Variants in CPD observed in about 807,000 individuals in gnomAD.
CPD encodes carboxypeptidase D.
A neutral mutation model predicts 138.3 loss-of-function variants in CPD; 69 were observed. The observed-to-expected ratio is 0.50, with a 90% CI of 0.41 to 0.61. CPD has a LOEUF of 0.61. CPD is among the 20% of genes least tolerant of loss of function. CPD has a pLI of 0.00. For synonymous variants in CPD, 651 were observed against 642.1 expected (o/e 1.01, Z -0.21); for missense variants, 1,432 against 1,733.3 (o/e 0.83, Z 3.09).
At chr17:30,413,779 A>G (rs1912028834) in intron 2 of CPD, among the ~76,000 whole-genome samples, 1 of 152,250 alleles carries the variant, frequency 6.6e-6, no homozygotes, top group Non-Finnish European at 1.5e-5. Flanking sequence ...AAAGGGTAAG[A>G]GGAACTGGGA....
At chr17:30,389,212 C>G (rs1345780232) in intron 2 of CPD, among the ~76,000 whole-genome samples, 1 of 152,168 alleles carries the variant, frequency 6.6e-6, no homozygotes, top group Non-Finnish European at 1.5e-5. Flanking sequence ...CGCCTCCTTC[C>G]CGCACCTTCC....
chr17:30,401,056 G>C (rs756500780), intron 2 of CPD, among the ~76,000 whole-genome samples: 3 of 152,006 alleles, frequency 2.0e-5, no homozygotes, highest in Non-Finnish European at 2.9e-5. Context: ...TTTGCTGTTT[G>C]TTTTTTAGAG....
At chr17:30,423,808 C>A (rs1253306463) in intron 6 of CPD, 111 bp downstream of exon 6, 1 of 844,574 alleles carries the variant, frequency 1.2e-6, no homozygotes, top group Non-Finnish European at 1.7e-6. Context: ...ATTTTTTTTC[C>A]TTTTAATTTA....
At position 30,421,785 on chromosome 17, in the gene CPD, A is replaced by G; in HGVS notation, c.1259A>G (p.Tyr420Cys). Residue 420 changes from tyrosine to cysteine, a missense_variant, in exon 4 of 21, where the codon TAC (tyrosine) becomes TGC (cysteine). Transcript: ENST00000225719. ...NITTGRFGDFYRLLVPGTYNL... is the reference protein window; with the variant it reads ...NITTGRFGDFCRLLVPGTYNL... ...ACAACAGGCAGATTTGGTGATTTCTACCGATTACTTGTTCCTGGAACTTAC... is the reference window on the plus strand; with the variant it reads ...ACAACAGGCAGATTTGGTGATTTCTGCCGATTACTTGTTCCTGGAACTTAC... The G allele has an allele frequency of 1.2e-6, 2 of 1,613,848 alleles. No homozygotes were observed. The highest frequency in any genetic ancestry group is 1.7e-6 in the Non-Finnish European group (2 of 1,179,768).
At chr17:30,393,335 A>G (rs1241131521) in intron 2 of CPD, among the ~76,000 whole-genome samples, 2 of 152,236 alleles carry the variant, frequency 1.3e-5, no homozygotes, top group African/African-American at 2.4e-5. Flanking sequence ...GTTTTCAACA[A>G]TGCTGTTGAA....
At chr17:30,412,229 C>T (rs1442696155) in intron 2 of CPD, among the ~76,000 whole-genome samples, 4 of 152,166 alleles carry the variant, frequency 2.6e-5, no homozygotes, top group Non-Finnish European at 5.9e-5. Flanking sequence ...AATATTGCTG[C>T]CTGATCCTTC....
At chr17:30,440,312 CT>C (rs1912828328) in intron 9 of CPD, among the ~76,000 whole-genome samples, 1 of 97,460 alleles carries the variant, frequency 1.0e-5, no homozygotes, top group Non-Finnish European at 2.1e-5. Flanking sequence ...GATATTAGCC[CT>C]TTGTCAGATG....
rs1913466903 is a variant in CPD, at chr17:30,461,286, G to T, written c.3605G>T (p.Arg1202Ile). The change falls in exon 18 of 21, where the codon AGA becomes ATA. Residue 1202 changes from arginine (R) to isoleucine (I), a missense_variant. Physicochemically the swap from Arg to Ile is moderately conservative, Grantham distance 97 (BLOSUM62 -3). Transcript: ENST00000225719. ...RLPSLWADNK[R>I]SLLSMLVEVH... The stretch of plus-strand genomic sequence containing the variant: ...CCTTCCTTGTGGGCAGACAATAAGA[G>T]ATCTCTTCTTAGTATGTTAGTGGAG... 1 of 1,607,730 alleles carries T rather than the reference G, an allele frequency of 6.2e-7. No homozygotes were observed. The highest frequency in any genetic ancestry group is 1.3e-5 in the African/African-American group (1 of 74,700).
rs1320834403 is a variant in CPD, at chr17:30,439,096, C to T, written c.2230+19C>T. The T allele has an allele frequency of 2.1e-6, 3 of 1,432,588 alleles. No homozygotes were observed. Among genetic ancestry groups the T allele is most frequent in the African/African-American group, 2.9e-5 (2 of 68,996 alleles). The allele number at this position is 1,432,588 out of a possible 1,614,324, so 88.7% of individuals were successfully genotyped here. A position where few individuals can be genotyped will look rare whatever the true frequency, so the allele number is the denominator to read the frequency against. Reference sequence around the variant, plus strand: ...GTGCCAGGTAAAGATTCTTTTATATCAAGGCCTTACAACTTGATGGCCTTT... The same window carrying T: ...GTGCCAGGTAAAGATTCTTTTATATTAAGGCCTTACAACTTGATGGCCTTT... On this transcript the variant is annotated intron_variant, in intron 9 of 20. Transcript: ENST00000225719.
chr17:30,442,415 C>T lies in CPD; in HGVS notation c.2338C>T (p.Gln780Ter). 6.2e-7 allele frequency: 1 copy of T among 1,613,410 alleles called. No homozygotes were observed. Among genetic ancestry groups the T allele is most frequent in the Non-Finnish European group, 8.5e-7 (1 of 1,179,556 alleles). The change falls in exon 10 of 21, where the codon CAG (glutamine) becomes TAG (stop). Residue 780 changes from glutamine (Q) to a stop codon, truncating the protein, a stop_gained. Coordinates refer to ENST00000225719, the MANE Select transcript of CPD (RefSeq NM_001304.5). LOFTEE classifies it high-confidence loss of function. ...GAAAGAGCTGCCAAACTTTTGGGAA[C>T]AGAATCGAAGATCACTAATCCAGTT... ...LEKELPNFWE[Q>*]NRRSLIQFMK...
At chr17:30,444,452 G>T (rs879529239) in intron 11 of CPD, among the ~76,000 whole-genome samples, 1 of 150,080 alleles carries the variant, frequency 6.7e-6, no homozygotes, top group Non-Finnish European at 1.5e-5. Flanking sequence ...AACATTTCTC[G>T]TTCTTTTAAT....
Position 30,379,644 on chromosome 17 carries a change from G to C in CPD, c.664G>C (p.Asp222His), listed in dbSNP as rs973812729. The C allele has an allele frequency of 1.3e-6, 2 of 1,509,248 alleles. No homozygotes were observed. Among genetic ancestry groups the C allele is most frequent in the African/African-American group, 3.0e-5 (2 of 67,620 alleles). 93.5% of individuals were successfully genotyped at this position (1,509,248 alleles called of 1,614,324 possible). A position where few individuals can be genotyped will look rare whatever the true frequency, so the allele number is the denominator to read the frequency against. Residue 222 changes from aspartate (D) to histidine (H), a missense_variant, in exon 1 of 21, where the codon GAC becomes CAC. Asp to His is a moderately conservative substitution (Grantham distance 81). Coordinates refer to ENST00000225719, the MANE Select transcript of CPD (RefSeq NM_001304.5). The surrounding 1 kb of genome is among the most constrained non-coding windows in gnomAD (Gnocchi z 7.0). ...CCGCGACCTCAACCGAAGCTTTCCC[G>C]ACCAGTTTAGCACCGGCGAACCCCC... Reference protein sequence around the residue: ...RGRDLNRSFPDQFSTGEPPAL... With the variant: ...RGRDLNRSFPHQFSTGEPPAL...
In CPD at chr17:30,421,883, T is replaced by C. The variant is rs1483805587; in HGVS notation, c.1307+50T>C. On this transcript the variant is annotated intron_variant, in intron 4 of 20. Coordinates refer to ENST00000225719, the MANE Select transcript of CPD (RefSeq NM_001304.5). ...CTTAGTTAAAATGTCAAGTCTCTGTTTTATATCTGAGACAGAAATATAGTC... is the reference window on the plus strand; with the variant it reads ...CTTAGTTAAAATGTCAAGTCTCTGTCTTATATCTGAGACAGAAATATAGTC... 8 of 1,400,368 alleles carry C rather than the reference T, an allele frequency of 5.7e-6. No individual in the cohort carries two copies. In the African/African-American group the frequency reaches 8.6e-5, roughly 15 times the overall value. 86.7% of individuals were successfully genotyped at this position (1,400,368 alleles called of 1,614,324 possible). A position where few individuals can be genotyped will look rare whatever the true frequency, so the allele number is the denominator to read the frequency against.
At chr17:30,392,225 C>T (rs7208716) in intron 2 of CPD, among the ~76,000 whole-genome samples, 1 of 151,172 alleles carries the variant, frequency 6.6e-6, no homozygotes, top group Admixed American at 6.6e-5. Flanking sequence ...GACCAGGCTG[C>T]TCTCTAACTC....
intron 2 of CPD, among the ~76,000 whole-genome samples, chr17:30,418,392 A>G (rs1195218374): frequency 3.3e-5 from 5 of 151,980 alleles, no homozygotes; most frequent in Admixed American, 6.6e-5. Flanking sequence ...TATGTTGCCT[A>G]GGCTGGTCTC....
At chr17:30,458,761 G>C (rs1913369279) in intron 17 of CPD, among the ~76,000 whole-genome samples, 1 of 152,080 alleles carries the variant, frequency 6.6e-6, no homozygotes. Context: ...AGCTACCCGG[G>C]AGGCTGTGGC....
At chr17:30,408,448 G>A (rs1486628330) in intron 2 of CPD, among the ~76,000 whole-genome samples, 2 of 152,166 alleles carry the variant, frequency 1.3e-5, no homozygotes, top group Non-Finnish European at 2.9e-5. Context: ...AGCATGGAAT[G>A]TTCTTCCATT....
chr17:30,412,114 C>T (rs1183536267), intron 2 of CPD, among the ~76,000 whole-genome samples: 3 of 152,180 alleles, frequency 2.0e-5, no homozygotes, highest in Admixed American at 6.5e-5. Flanking sequence ...CTAACAGGCC[C>T]CTCAGCTGCA....
At chr17:30,385,314 AG>A in intron 2 of CPD, 78 bp downstream of exon 2, 11 of 1,482,494 alleles carry the variant, frequency 7.4e-6, no homozygotes, top group Non-Finnish European at 9.1e-6. Flanking sequence ...GCAAAAAAGA[AG>A]AAACTCTGTA....
Sources: gnomAD v4.1 joint callset for allele counts (sites outside exome capture counted in the v4.1 genomes callset) on GRCh38, gnomAD v4.1.1 for gene constraint, Gnocchi (gnomAD v3.1) non-coding constraint, MANE v1.5 for transcripts, NCBI Gene and HGNC (gene_info 2026-07-23, HGNC 2026-07-21) for gene names.